Variants in SIM2 observed in about 807,000 individuals in gnomAD.
The protein encoded by SIM2 is single-minded homolog 2.
A neutral mutation model predicts 64.8 loss-of-function variants in SIM2; 28 were observed. That is an observed-to-expected ratio of 0.43 (90% CI 0.32 to 0.59). The LOEUF is 0.59. SIM2 is among the 20% of genes least tolerant of loss of function. SIM2 has a pLI of 0.07. For synonymous variants in SIM2, 408 were observed against 391.1 expected (o/e 1.04, Z -0.51); for missense variants, 847 against 871.4 (o/e 0.97, Z 0.35).
rs796906475 is a variant in SIM2, at chr21:36,736,247, C to T, written c.850+5096C>T. Among the ~76,000 whole-genome samples, 7 of 152,226 alleles carry T rather than the reference C, an allele frequency of 4.6e-5. No homozygotes were observed. The South Asian group carries it at 1.5e-3, about 32-fold the overall frequency. On this transcript the variant is annotated intron_variant, in intron 7 of 10. Transcript: ENST00000290399. ...GAGGTCACCGAGAGCAGGAACAAAG[C>T]AGACAGCTGCCAACAGCCAGGACCC...
At chr21:36,740,057 A>AAGAAAGAAAGAAAG in intron 7 of SIM2, among the ~76,000 whole-genome samples, 1 of 134,826 alleles carries the variant, frequency 7.4e-6, no homozygotes, top group South Asian at 2.4e-4. Flanking sequence ...GAAAGAAAGA[A>AAGAAAGAAAGAAAG]AGAGAAAATG....
intron 2 of SIM2, among the ~76,000 whole-genome samples, chr21:36,712,279 A>T (rs750838358): frequency 1.5e-4 from 23 of 152,232 alleles, no homozygotes; most frequent in Non-Finnish European, 2.5e-4. Flanking sequence ...AATGTTTTGC[A>T]TGATTTTTGT....
At chr21:36,734,550 T>TG (rs111790960) in intron 7 of SIM2, among the ~76,000 whole-genome samples, 9,045 of 152,224 alleles carry the variant, frequency 0.059, 309 homozygotes, top group Middle Eastern at 0.11. Flanking sequence ...GGTGTGGTCT[T>TG]GGAGTTCACC....
chr21:36,708,759 A>C (rs1050572207), intron 1 of SIM2, among the ~76,000 whole-genome samples: 1 of 152,090 alleles, frequency 6.6e-6, no homozygotes, highest in Non-Finnish European at 1.5e-5. Flanking sequence ...GGAGGGAAGG[A>C]GGGTCCTTGG....
At chr21:36,722,747 G>A (rs577946641) in intron 4 of SIM2, among the ~76,000 whole-genome samples, 2 of 152,276 alleles carry the variant, frequency 1.3e-5, no homozygotes, top group South Asian at 2.1e-4. Context: ...TGGAGCCCAC[G>A]GCCCCCAGGA....
chr21:36,724,116 C>T (rs1030786853), intron 5 of SIM2, among the ~76,000 whole-genome samples: 3 of 152,224 alleles, frequency 2.0e-5, no homozygotes, highest in Admixed American at 6.5e-5. Flanking sequence ...TGGAAGGCCC[C>T]GCCCCAGCTC....
chr21:36,721,891 T>G (rs1743220457), intron 4 of SIM2, among the ~76,000 whole-genome samples: 1 of 152,162 alleles, frequency 6.6e-6, no homozygotes, highest in African/African-American at 2.4e-5. Flanking sequence ...CATGCCCTGT[T>G]TCTGTAGCCT....
rs527638509 is a variant in SIM2 at position 36,734,889 on chromosome 21, T to C, written c.850+3738T>C. ...CAGGCCTCCTGTTCCTGCCTCTCCA[T>C]CCCCAGGGCTGGGTGGCACCTGTTT... On this transcript the variant is annotated intron_variant, in intron 7 of 10. Transcript: ENST00000290399. Among the ~76,000 whole-genome samples, 3 of 152,068 alleles carry C rather than the reference T, an allele frequency of 2.0e-5. No individual in the cohort carries two copies. The South Asian group carries it at 6.2e-4, about 32-fold the overall frequency.
At chr21:36,721,109 G>A (rs1198514821) in intron 4 of SIM2, among the ~76,000 whole-genome samples, 1 of 152,138 alleles carries the variant, frequency 6.6e-6, no homozygotes, top group Non-Finnish European at 1.5e-5. Flanking sequence ...CAGTTCTGTG[G>A]CCCGCAAGTT....
intron 5 of SIM2, among the ~76,000 whole-genome samples, chr21:36,724,078 G>A (rs1396141214): frequency 6.6e-6 from 1 of 152,258 alleles, no homozygotes; most frequent in Non-Finnish European, 1.5e-5. Context: ...AGAGGAAAGG[G>A]CACTTTTGTG....
In SIM2 at chr21:36,718,257, C is replaced by T. The variant is rs191868586; in HGVS notation, c.349-1564C>T. Among the ~76,000 whole-genome samples, 75 of 152,326 alleles carry T rather than the reference C, an allele frequency of 4.9e-4. 1 individual carries two copies. The highest frequency in any genetic ancestry group is 1.7e-3 in the African/African-American group (72 of 41,584). On this transcript the variant is annotated intron_variant, in intron 3 of 10. Coordinates refer to ENST00000290399, the MANE Select transcript of SIM2 (RefSeq NM_005069.6). ...TGCGATAAATCACTTCACCCCTCCA[C>T]GACCCCTTGGTCCCAAGTAAAAGCT...
intron 7 of SIM2, among the ~76,000 whole-genome samples, chr21:36,737,456 C>G (rs150577907): frequency 2.0e-5 from 3 of 152,284 alleles, no homozygotes; most frequent in African/African-American, 7.2e-5. Context: ...ATCTGTTGAC[C>G]CAGACCCTCA....
intron 8 of SIM2, among the ~76,000 whole-genome samples, chr21:36,742,151 G>A (rs1189001537): frequency 6.6e-6 from 1 of 152,004 alleles, no homozygotes; most frequent in Admixed American, 6.6e-5. Flanking sequence ...ACCTAGTGAG[G>A]AGCATGGGGG....
At chr21:36,727,762 A>T (rs975138691) in intron 6 of SIM2, among the ~76,000 whole-genome samples, 5 of 152,168 alleles carry the variant, frequency 3.3e-5, no homozygotes, top group African/African-American at 1.2e-4. Context: ...AGAAGCCAGG[A>T]TTTACTGTTT....
At chr21:36,720,162 A>G in intron 4 of SIM2, 2 of 515,088 alleles carry the variant, frequency 3.9e-6, no homozygotes, top group Non-Finnish European at 7.0e-6. Context: ...ACCCGTGTTG[A>G]GTGCTAGGTA....
rs536229538 is a variant in SIM2 at position 36,740,503 on chromosome 21, C to T, written c.851-1214C>T. ...TTGTGTTTTTATCAATCTGTACGAA[C>T]CCCCTATATATTAAGGTGAATAACT... On this transcript the variant is annotated intron_variant, in intron 7 of 10. Coordinates refer to ENST00000290399, the MANE Select transcript of SIM2 (RefSeq NM_005069.6). Among the ~76,000 whole-genome samples, 55 of 152,248 alleles carry T rather than the reference C, an allele frequency of 3.6e-4. No individual in the cohort carries two copies. In the South Asian group the frequency reaches 0.011, roughly 30 times the overall value.
intron 3 of SIM2, among the ~76,000 whole-genome samples, 185 bp from the exon 4 acceptor site, chr21:36,719,636 C>G (rs1019178398): frequency 1.3e-5 from 2 of 152,228 alleles, no homozygotes; most frequent in Admixed American, 6.5e-5. Context: ...GTGTGGGAGA[C>G]AGTTCAGAGC....
At position 36,747,741 on chromosome 21, in the gene SIM2, G is replaced by A. The variant is rs2089249353; in HGVS notation, c.1653G>A (p.Glu551=). The A allele has an allele frequency of 8.1e-7, 1 of 1,230,018 alleles. No individual in the cohort carries two copies. Among genetic ancestry groups the A allele is most frequent in the African/African-American group, 1.6e-5 (1 of 63,162 alleles). 76.2% of individuals were successfully genotyped at this position (1,230,018 alleles called of 1,614,324 possible). A position where few individuals can be genotyped will look rare whatever the true frequency, so the allele number is the denominator to read the frequency against. The change falls in exon 11 of 11, where the codon GAG becomes GAA. Residue 551 remains glutamate (E), a synonymous_variant. Transcript: ENST00000290399. This position sits in a 1 kb window ranked among gnomAD's most constrained non-coding sequence, Gnocchi z 4.5. The part of the protein sequence containing the change: ...PSFPSCGHYR[E]EPALGPAKAA... ...TCCCGAGCTGCGGCCACTACCGCGA[G>A]GAGCCCGCGCTGGGCCCGGCCAAAG... is the stretch of plus-strand genomic sequence containing the variant.
chr21:36,701,947 A>G (rs1271518443), intron 1 of SIM2, among the ~76,000 whole-genome samples: 3 of 152,190 alleles, frequency 2.0e-5, no homozygotes, highest in Non-Finnish European at 2.9e-5. Context: ...GCAGCAATCC[A>G]AAGATCAAAT....
Sources: gnomAD v4.1 joint callset for allele counts (sites outside exome capture counted in the v4.1 genomes callset) on GRCh38, gnomAD v4.1.1 for gene constraint, Gnocchi (gnomAD v3.1) non-coding constraint, MANE v1.5 for transcripts, NCBI Gene and HGNC (gene_info 2026-07-23, HGNC 2026-07-21) for gene names.